Variants in SLAIN2 observed in about 807,000 individuals in gnomAD.
SLAIN2 encodes SLAIN family member 2, also known as SLAIN motif-containing protein 2.
Under a neutral mutation model 56.6 loss-of-function variants are expected in SLAIN2, and 31 were observed. The ratio of observed to expected loss-of-function variants is 0.55; its 90% confidence interval spans 0.41 to 0.74. The LOEUF (loss-of-function observed/expected upper bound fraction) is 0.74, where lower values mean the gene tolerates loss of function less well. Among genes scored for constraint, SLAIN2 ranks in the 30% least tolerant of loss-of-function variants. The pLI is 0.00. For synonymous variants in SLAIN2, 317 were observed against 284.9 expected, an observed-to-expected ratio of 1.11 and a Z score of -1.13; for missense variants, 777 against 754.2, an observed-to-expected ratio of 1.03 and a Z score of -0.35.
chr4:48,409,297 G>A (rs1338007265), intron 6 of SLAIN2, among the ~76,000 whole-genome samples: 1 of 150,016 alleles, frequency 6.7e-6, no homozygotes, highest in Non-Finnish European at 1.5e-5. Flanking sequence ...ATTTTTTTTT[G>A]GTATCCATTA....
intron 6 of SLAIN2, among the ~76,000 whole-genome samples, chr4:48,397,861 C>T (rs7674269): frequency 0.6 from 90,759 of 152,050 alleles, 27,455 homozygotes; most frequent in South Asian, 0.71. Context: ...CTGCATAGTA[C>T]TCCATGGTGT....
Position 48,420,164 on chromosome 4 carries a change from C to G in SLAIN2, c.1400C>G (p.Ser467Cys). The G allele has an allele frequency of 1.2e-6, 2 of 1,613,972 alleles. No homozygotes were observed. The highest frequency in any genetic ancestry group is 1.7e-6 in the Non-Finnish European group (2 of 1,179,864). ...AAATTCCGTTCCCCTGCAGCACCAT[C>G]TCCTTTGGCTCTTCGGCAACCAGTG... is the stretch of plus-strand genomic sequence containing the variant. The part of the protein sequence containing the change: ...PGKFRSPAAP[S>C]PLALRQPVKA... The change falls in exon 7 of 8, where the codon TCT (serine) becomes TGT (cysteine). Residue 467 changes from serine (S) to cysteine (C), a missense_variant. Coordinates refer to ENST00000264313, the MANE Select transcript of SLAIN2 (RefSeq NM_020846.2).
intron 4 of SLAIN2, 122 bp downstream of exon 4, chr4:48,379,970 A>C: frequency 1.1e-6 from 1 of 902,778 alleles, no homozygotes. Context: ...GTTGCAGTGG[A>C]CATTTCAGAG....
chr4:48,420,954 G>A (rs1313059454), intron 7 of SLAIN2, among the ~76,000 whole-genome samples: 1 of 152,062 alleles, frequency 6.6e-6, no homozygotes, highest in African/African-American at 2.4e-5. Context: ...GATCTGTTAT[G>A]AGGCCCAGAA....
Position 48,409,837 on chromosome 4 carries a change from T to C in SLAIN2, c.1361-10288T>C, listed in dbSNP as rs188366451. 1.2e-3 allele frequency among the ~76,000 whole-genome samples: 190 copies of C among 152,238 alleles called. 3 individuals are homozygous for C. The South Asian group carries it at 0.033, about 27-fold the overall frequency. Reference sequence around the variant, plus strand: ...AGGCAGAGGTTGCAGTGAGCTGAGATCGTGCCATTGCACTCCAGCCTAGAC... The same window carrying C: ...AGGCAGAGGTTGCAGTGAGCTGAGACCGTGCCATTGCACTCCAGCCTAGAC... On this transcript the variant is annotated intron_variant, in intron 6 of 7. Transcript: ENST00000264313.
At chr4:48,394,045 A>C (rs1040067123) in intron 6 of SLAIN2, among the ~76,000 whole-genome samples, 1 of 152,196 alleles carries the variant, frequency 6.6e-6, no homozygotes. Context: ...GTTGTACTCT[A>C]CAAGATGATA....
intron 1 of SLAIN2, among the ~76,000 whole-genome samples, chr4:48,354,292 C>G (rs1417629649): frequency 6.6e-6 from 1 of 152,048 alleles, no homozygotes; most frequent in Non-Finnish European, 1.5e-5. Flanking sequence ...TTCAGACCCT[C>G]AAATCATCAC....
chr4:48,362,465 G>GTGGA (rs1271249622), intron 1 of SLAIN2, among the ~76,000 whole-genome samples: 1 of 147,830 alleles, frequency 6.8e-6, no homozygotes, highest in Non-Finnish European at 1.5e-5. Flanking sequence ...GTCGCCCAGG[G>GTGGA]TGGAGTGCAG....
At chr4:48,393,388 G>C (rs1716283565) in intron 6 of SLAIN2, among the ~76,000 whole-genome samples, 1 of 127,130 alleles carries the variant, frequency 7.9e-6, no homozygotes, top group South Asian at 2.4e-4. Context: ...TGTCTGGCTT[G>C]TGTGTGTGTG....
intron 1 of SLAIN2, among the ~76,000 whole-genome samples, chr4:48,364,320 C>T (rs1185659797): frequency 3.1e-4 from 29 of 94,356 alleles, no homozygotes; most frequent in African/African-American, 8.6e-4. Context: ...GATGTGATGG[C>T]GGCTGGGAAG....
intron 6 of SLAIN2, among the ~76,000 whole-genome samples, chr4:48,411,714 G>A (rs1271630545): frequency 6.6e-6 from 1 of 151,760 alleles, no homozygotes; most frequent in African/African-American, 2.4e-5. Flanking sequence ...TAGACCTCTT[G>A]TACTCACTCA....
At chr4:48,394,519 C>T (rs1311595354) in intron 6 of SLAIN2, 2 of 1,319,396 alleles carry the variant, frequency 1.5e-6, no homozygotes, top group Admixed American at 4.0e-5. Context: ...TTTACAGACG[C>T]TGTAGCCTTT....
intron 6 of SLAIN2, among the ~76,000 whole-genome samples, chr4:48,402,414 CAG>C (rs1384841933): frequency 3.9e-5 from 6 of 152,164 alleles, no homozygotes; most frequent in African/African-American, 1.4e-4. Context: ...TCAGGTACCC[CAG>C]TCATTCATCG....
intron 5 of SLAIN2, among the ~76,000 whole-genome samples, chr4:48,383,136 C>G (rs1191379281): frequency 6.8e-6 from 1 of 146,350 alleles, no homozygotes; most frequent in Non-Finnish European, 1.5e-5. Flanking sequence ...CCATTACACT[C>G]CAGTCTGGGC....
intron 2 of SLAIN2, among the ~76,000 whole-genome samples, chr4:48,376,630 T>G (rs181252379): frequency 7.0e-6 from 1 of 142,150 alleles, no homozygotes; most frequent in Non-Finnish European, 1.5e-5. Flanking sequence ...TTTTTTTTTT[T>G]TTTTTTTTTG....
intron 1 of SLAIN2, among the ~76,000 whole-genome samples, chr4:48,349,211 T>G (rs1714946264): frequency 1.3e-5 from 2 of 152,234 alleles, no homozygotes; most frequent in African/African-American, 4.8e-5. Flanking sequence ...TGCTTTGGTC[T>G]GTGTAGTCTA....
At chr4:48,370,083 G>A in intron 2 of SLAIN2, 86 bp downstream of exon 2, 1 of 1,340,534 alleles carries the variant, frequency 7.5e-7, no homozygotes, top group Non-Finnish European at 1.0e-6. Flanking sequence ...TTTTTAGGAA[G>A]CAATTCTTTG....
chr4:48,385,946 T>G (rs530890277), intron 6 of SLAIN2, among the ~76,000 whole-genome samples: 3 of 152,058 alleles, frequency 2.0e-5, no homozygotes, highest in South Asian at 2.1e-4. Flanking sequence ...AAAAATGTTT[T>G]TTTTTTTTTA....
chr4:48,357,549 C>A (rs532865612), intron 1 of SLAIN2, among the ~76,000 whole-genome samples: 1 of 150,870 alleles, frequency 6.6e-6, no homozygotes, highest in Non-Finnish European at 1.5e-5. Context: ...GCTCAGGTGA[C>A]TTTTATTTTT....
Sources: gnomAD v4.1 joint callset for allele counts (sites outside exome capture counted in the v4.1 genomes callset) on GRCh38, gnomAD v4.1.1 for gene constraint, MANE v1.5 for transcripts, NCBI Gene and HGNC (gene_info 2026-07-23, HGNC 2026-07-21) for gene names.